Variants in FSHR observed in about 807,000 individuals in gnomAD.
FSHR encodes the protein follicle-stimulating hormone receptor.
Under a neutral mutation model 52.1 loss-of-function variants are expected in FSHR, and 46 were observed. That is an observed-to-expected ratio of 0.88 (90% CI 0.70 to 1.13). The LOEUF is 1.13. FSHR is among the 50% of genes most tolerant of loss of function. The probability of loss-of-function intolerance (pLI) is 0.00; values close to 1 mark genes in which losing one functional copy is unlikely to be tolerated. For missense variants in FSHR, 964 were observed against 834.6 expected (o/e 1.16, Z -1.91); for synonymous variants, 399 against 309.6 (o/e 1.29, Z -3.03).
chr2:48,982,624 AG>A (rs1346771144), intron 8 of FSHR, among the ~76,000 whole-genome samples: 2 of 152,192 alleles, frequency 1.3e-5, no homozygotes, highest in Non-Finnish European at 2.9e-5. Flanking sequence ...CTCCTACCAC[AG>A]GGGGTGATTA....
At chr2:49,142,494 T>C (rs1235184038) in intron 1 of FSHR, among the ~76,000 whole-genome samples, 1 of 152,186 alleles carries the variant, frequency 6.6e-6, no homozygotes, top group Non-Finnish European at 1.5e-5. Context: ...CAAAGCACAT[T>C]AGCTCCACAA....
chr2:48,984,476 T>C (rs988677028), intron 6 of FSHR, among the ~76,000 whole-genome samples: 1 of 152,176 alleles, frequency 6.6e-6, no homozygotes, highest in African/African-American at 2.4e-5. Context: ...AAAGTTTAGG[T>C]TTTATGGGCC....
intron 2 of FSHR, among the ~76,000 whole-genome samples, chr2:49,050,290 A>T (rs1668806672): frequency 6.6e-6 from 1 of 152,192 alleles, no homozygotes; most frequent in Non-Finnish European, 1.5e-5. Context: ...AGCTACTCTT[A>T]GCAGGAGCTT....
At chr2:49,144,143 A>T (rs1214469995) in intron 1 of FSHR, among the ~76,000 whole-genome samples, 1 of 152,150 alleles carries the variant, frequency 6.6e-6, no homozygotes, top group East Asian at 1.9e-4. Context: ...GAATGCTGGT[A>T]GTCAGGACTT....
intron 8 of FSHR, among the ~76,000 whole-genome samples, chr2:48,982,637 A>G (rs776049649): frequency 5.3e-5 from 8 of 152,206 alleles, no homozygotes; most frequent in Non-Finnish European, 8.8e-5. Context: ...GGGTGATTAT[A>G]AGGATTAAAC....
At chr2:49,107,568 A>G (rs146548676) in intron 1 of FSHR, among the ~76,000 whole-genome samples, 1 of 152,162 alleles carries the variant, frequency 6.6e-6, no homozygotes, top group African/African-American at 2.4e-5. Context: ...AAGAGAAACA[A>G]TTTGGTTATA....
At chr2:49,042,490 A>G (rs1237686886) in intron 2 of FSHR, among the ~76,000 whole-genome samples, 3 of 152,242 alleles carry the variant, frequency 2.0e-5, no homozygotes, top group Non-Finnish European at 2.9e-5. Flanking sequence ...GTGGGAGTCA[A>G]AATTCACTTC....
In FSHR at chr2:49,120,256, G is replaced by C. The variant is rs191668193; in HGVS notation, c.152+34010C>G. On this transcript the variant is annotated intron_variant, in intron 1 of 9. Coordinates refer to ENST00000406846, the MANE Select transcript of FSHR (RefSeq NM_000145.4). Reference sequence around the variant, plus strand: ...ACTGCACTCCAGCCTGGGCAAGAGAGTGAGACTCCATCTCAGACAAAAAAA... The same window carrying C: ...ACTGCACTCCAGCCTGGGCAAGAGACTGAGACTCCATCTCAGACAAAAAAA... 3.4e-3 allele frequency among the ~76,000 whole-genome samples: 523 copies of C among 152,266 alleles called. 2 individuals are homozygous for C. The highest frequency in any genetic ancestry group is 0.012 in the African/African-American group (478 of 41,540).
rs148058297 is a variant in FSHR at position 49,023,094 on chromosome 2, T to TA, written c.225-2935dup. Among the ~76,000 whole-genome samples, 651 of 152,308 alleles carry TA rather than the reference T, an allele frequency of 4.3e-3. 9 individuals carry two copies. Among genetic ancestry groups the TA allele is most frequent in the African/African-American group, 0.015 (629 of 41,576 alleles). Reference sequence around the variant, plus strand: ...TCATAGGTGGATATGCAGAGTGTGATAGAGGAGCTCCAGGAGAATGAAGTA... The same window carrying TA: ...TCATAGGTGGATATGCAGAGTGTGATAAGAGGAGCTCCAGGAGAATGAAGTA... On this transcript the variant is annotated intron_variant, in intron 2 of 9. Coordinates refer to ENST00000406846, the MANE Select transcript of FSHR (RefSeq NM_000145.4).
At chr2:49,007,043 T>C (rs999373903) in intron 4 of FSHR, among the ~76,000 whole-genome samples, 1 of 152,052 alleles carries the variant, frequency 6.6e-6, no homozygotes, top group Non-Finnish European at 1.5e-5. Context: ...GTTGAATGAT[T>C]GGCTGAGTGA....
intron 4 of FSHR, among the ~76,000 whole-genome samples, chr2:48,993,610 A>AAG (rs1559112184): frequency 1.3e-5 from 2 of 152,142 alleles, no homozygotes; most frequent in Non-Finnish European, 2.9e-5. Flanking sequence ...TGTAAATCAG[A>AAG]TTGTTTTACT....
intron 1 of FSHR, among the ~76,000 whole-genome samples, chr2:49,097,983 T>G (rs1293629093): frequency 6.6e-6 from 1 of 152,166 alleles, no homozygotes; most frequent in Non-Finnish European, 1.5e-5. Flanking sequence ...TATCTACCAT[T>G]ATATATCTAT....
intron 2 of FSHR, among the ~76,000 whole-genome samples, chr2:49,051,618 T>G (rs1422284789): frequency 6.6e-6 from 1 of 152,116 alleles, no homozygotes; most frequent in Non-Finnish European, 1.5e-5. Flanking sequence ...TGCAGATATT[T>G]TCTCTCATTA....
At position 48,963,627 on chromosome 2, in the gene FSHR, C is replaced by G; in HGVS notation, c.1194G>C (p.Arg398Ser). The change falls in exon 10 of 10, where the codon AGG becomes AGC. Residue 398 changes from arginine (R) to serine (S), a missense_variant. Physicochemically the swap from Arg to Ser is moderately radical, Grantham distance 110. Transcript: ENST00000406846. ...CAAAGGCCAGGTTGCACATAAGGAA[C>G]CTGGGGACTGTGAGTTTATATTGGC... ...TTSQYKLTVP[R>S]FLMCNLAFAD... 1 of 1,614,168 alleles carries G rather than the reference C, an allele frequency of 6.2e-7. No individual in the cohort carries two copies.
chr2:49,036,140 A>C (rs1668264409), intron 2 of FSHR, among the ~76,000 whole-genome samples: 1 of 152,240 alleles, frequency 6.6e-6, no homozygotes, highest in African/African-American at 2.4e-5. Flanking sequence ...GATGGACATT[A>C]ATCAACATCT....
intron 1 of FSHR, among the ~76,000 whole-genome samples, chr2:49,098,253 T>A (rs186402314): frequency 1.3e-5 from 2 of 152,310 alleles, no homozygotes; most frequent in East Asian, 3.9e-4. Context: ...CTGTATTCTC[T>A]GTCCTTAATG....
intron 1 of FSHR, among the ~76,000 whole-genome samples, chr2:49,081,039 C>T (rs1670150347): frequency 6.6e-6 from 1 of 152,140 alleles, no homozygotes; most frequent in African/African-American, 2.4e-5. Flanking sequence ...AGAGTTTTAT[C>T]CACATTTCCC....
At chr2:49,013,872 A>T (rs925482218) in intron 4 of FSHR, among the ~76,000 whole-genome samples, 6 of 152,122 alleles carry the variant, frequency 3.9e-5, no homozygotes, top group Non-Finnish European at 8.8e-5. Flanking sequence ...AGATAAGATC[A>T]TCAGGGCAAG....
intron 1 of FSHR, among the ~76,000 whole-genome samples, chr2:49,143,113 G>C (rs574251946): frequency 6.6e-6 from 1 of 152,292 alleles, no homozygotes; most frequent in African/African-American, 2.4e-5. Context: ...ACCATACAGA[G>C]AGAACAGATG....
Sources: allele counts gnomAD v4.1 joint callset (sites outside exome capture counted in the v4.1 genomes callset), GRCh38; gene constraint gnomAD v4.1.1; transcripts MANE v1.5; gene names NCBI Gene and HGNC (gene_info 2026-07-23, HGNC 2026-07-21).